The following TCF7L1 variants were observed in gnomAD, a reference collection of about 807,000 sequenced individuals.
TCF7L1 encodes transcription factor 7 like 1, also known as transcription factor 7-like 1.
A neutral mutation model predicts 63.7 loss-of-function variants in TCF7L1; 18 were observed. That is an observed-to-expected ratio of 0.28 (90% CI 0.20 to 0.42). The LOEUF (loss-of-function observed/expected upper bound fraction) is 0.42. Among genes scored for constraint, TCF7L1 ranks in the 10% least tolerant of loss-of-function variants. TCF7L1 has a pLI of 1.00. For missense variants in TCF7L1, 654 were observed against 779.3 expected, an observed-to-expected ratio of 0.84 and a Z score of 1.91; for synonymous variants, 355 against 340.9, an observed-to-expected ratio of 1.04 and a Z score of -0.46.
Position 85,306,277 on chromosome 2 carries a change from T to C in TCF7L1, c.1061T>C (p.Met354Thr), listed in dbSNP as rs749059078. 6.2e-7 allele frequency: 1 copy of C among 1,614,090 alleles called. No homozygotes were observed. The highest frequency in any genetic ancestry group is 1.1e-5 in the South Asian group (1 of 91,076). ...PHVKKPLNAF[M>T]LYMKEMRAKV... Reference sequence around the variant, plus strand: ...GTGAAGAAGCCTCTGAATGCCTTCATGTTGTATATGAAGGAGATGAGGGCC... The same window carrying C: ...GTGAAGAAGCCTCTGAATGCCTTCACGTTGTATATGAAGGAGATGAGGGCC... Residue 354 changes from methionine (M) to threonine (T), a missense_variant, in exon 9 of 12, where the codon ATG becomes ACG. This residue lies in a region of TCF7L1 where 66 missense variants were observed against 120.5 expected (regional missense o/e 0.55). Coordinates refer to ENST00000282111, the MANE Select transcript of TCF7L1 (RefSeq NM_031283.3). This position sits in a 1 kb window ranked among gnomAD's most constrained non-coding sequence, Gnocchi z 4.3.
rs1678733640 is a variant in TCF7L1 at position 85,178,749 on chromosome 2, G to T, written c.441+44299G>T. ...TCACTGAAGCCCTGGCTCAGCCATG[G>T]TTGCCACCCATCCTGTCTGAGCTTT... On this transcript the variant is annotated intron_variant, in intron 3 of 11. Coordinates refer to ENST00000282111, the MANE Select transcript of TCF7L1 (RefSeq NM_031283.3). 3.3e-5 allele frequency among the ~76,000 whole-genome samples: 5 copies of T among 152,206 alleles called. 1 individual carries two copies. The South Asian group carries it at 1.0e-3, about 32-fold the overall frequency.
At chr2:85,271,273 C>T (rs1046249498) in intron 3 of TCF7L1, among the ~76,000 whole-genome samples, 10 of 152,148 alleles carry the variant, frequency 6.6e-5, no homozygotes, top group East Asian at 1.9e-4. Context: ...CCACCACACC[C>T]GGCTAATTTT....
At chr2:85,274,470 C>T (rs1169224881) in intron 3 of TCF7L1, among the ~76,000 whole-genome samples, 1 of 152,132 alleles carries the variant, frequency 6.6e-6, no homozygotes, top group African/African-American at 2.4e-5. Context: ...TCCATCAAGA[C>T]CTCAAGCAGG....
chr2:85,185,202 T>C (rs1678890247), intron 3 of TCF7L1, among the ~76,000 whole-genome samples: 1 of 151,962 alleles, frequency 6.6e-6, no homozygotes, highest in South Asian at 2.1e-4. Flanking sequence ...ATAACCAGCC[T>C]GTATTGAGGG....
At chr2:85,257,155 A>T (rs961365964) in intron 3 of TCF7L1, among the ~76,000 whole-genome samples, 8 of 152,142 alleles carry the variant, frequency 5.3e-5, no homozygotes, top group Non-Finnish European at 7.4e-5. Context: ...TCGAGGCTAC[A>T]GTGAGCTCTG....
chr2:85,206,010 T>C (rs1380597741), intron 3 of TCF7L1, among the ~76,000 whole-genome samples: 1 of 152,238 alleles, frequency 6.6e-6, no homozygotes, highest in Non-Finnish European at 1.5e-5. Context: ...AGATTGGCAG[T>C]CCATTCTGTA....
intron 3 of TCF7L1, among the ~76,000 whole-genome samples, chr2:85,135,707 C>T (rs1255681494): frequency 7.1e-6 from 1 of 140,404 alleles, no homozygotes; most frequent in Non-Finnish European, 1.5e-5. Flanking sequence ...TGACGGGGGG[C>T]GGTGGAAGAG....
intron 3 of TCF7L1, among the ~76,000 whole-genome samples, chr2:85,270,219 C>G (rs1681117227): frequency 1.3e-5 from 2 of 152,236 alleles, no homozygotes; most frequent in Non-Finnish European, 2.9e-5. Context: ...CTTCCTTTCT[C>G]CTCAATACCT....
chr2:85,186,349 A>G (rs112487744), intron 3 of TCF7L1: 1 of 152,118 alleles, frequency 6.6e-6, no homozygotes, highest in Non-Finnish European at 1.5e-5. Context: ...CCTCCTTTCC[A>G]TGAGGGGGCG....
chr2:85,191,660 A>G (rs916937484), intron 3 of TCF7L1, among the ~76,000 whole-genome samples: 9 of 152,050 alleles, frequency 5.9e-5, no homozygotes, highest in Non-Finnish European at 1.2e-4. Flanking sequence ...CTCTGTCTCT[A>G]CTAAAAATAC....
intron 3 of TCF7L1, among the ~76,000 whole-genome samples, chr2:85,203,962 G>A (rs1679335981): frequency 6.6e-6 from 1 of 152,152 alleles, no homozygotes; most frequent in Non-Finnish European, 1.5e-5. Flanking sequence ...AAACTATACA[G>A]GGAGGGGCGG....
chr2:85,277,481 C>A (rs1168849730), intron 3 of TCF7L1, among the ~76,000 whole-genome samples: 3 of 151,982 alleles, frequency 2.0e-5, no homozygotes, highest in African/African-American at 4.8e-5. Flanking sequence ...CCTGGGCAAC[C>A]CTTGCTTCTC....
intron 3 of TCF7L1, among the ~76,000 whole-genome samples, chr2:85,207,997 C>T (rs113482727): frequency 0.025 from 3,745 of 152,112 alleles, 158 homozygotes; most frequent in African/African-American, 0.085. Flanking sequence ...AGCTCTGCCT[C>T]CCGGGTTCAC....
At chr2:85,163,342 C>G (rs531710537) in intron 3 of TCF7L1, among the ~76,000 whole-genome samples, 1 of 152,228 alleles carries the variant, frequency 6.6e-6, no homozygotes, top group Non-Finnish European at 1.5e-5. Context: ...GTATTGGCCC[C>G]CCTCCCCCAT....
intron 3 of TCF7L1, among the ~76,000 whole-genome samples, chr2:85,273,528 G>A (rs1032246300): frequency 1.3e-5 from 2 of 152,224 alleles, no homozygotes; most frequent in Admixed American, 6.5e-5. Context: ...ATGGGCAAGG[G>A]TGTGGGGAAA....
chr2:85,157,111 A>G (rs1000924519), intron 3 of TCF7L1, among the ~76,000 whole-genome samples: 36 of 152,194 alleles, frequency 2.4e-4, no homozygotes, highest in African/African-American at 8.7e-4. Flanking sequence ...TATTCAGTAT[A>G]TATTTATTTA....
intron 4 of TCF7L1, among the ~76,000 whole-genome samples, chr2:85,290,947 G>A (rs1004240946): frequency 1.3e-5 from 2 of 152,340 alleles, no homozygotes; most frequent in East Asian, 1.9e-4. Context: ...GCCACACCTT[G>A]TGAATCCCCT....
chr2:85,288,685 A>C (rs965007382), intron 4 of TCF7L1, among the ~76,000 whole-genome samples: 1 of 152,212 alleles, frequency 6.6e-6, no homozygotes, highest in Non-Finnish European at 1.5e-5. Context: ...TGCGGGATGA[A>C]GTTAAGTGCT....
intron 3 of TCF7L1, among the ~76,000 whole-genome samples, chr2:85,140,915 G>GAGAA (rs1305454729): frequency 6.8e-6 from 1 of 146,620 alleles, no homozygotes; most frequent in East Asian, 2.1e-4. Flanking sequence ...GAGAGAGACA[G>GAGAA]AAGAGAGAAA....
Sources: allele counts gnomAD v4.1 joint callset (sites outside exome capture counted in the v4.1 genomes callset), GRCh38; gene constraint gnomAD v4.1.1; regional missense constraint gnomAD v4.1.1; non-coding constraint Gnocchi (gnomAD v3.1); transcripts MANE v1.5; gene names NCBI Gene and HGNC (gene_info 2026-07-23, HGNC 2026-07-21).